IQGAP1: variants seen among roughly 807,000 people sequenced by gnomAD.
IQGAP1 encodes the protein ras GTPase-activating-like protein IQGAP1.
IQGAP1 carries 66 observed loss-of-function variants against 215.6 expected under a neutral mutation model. The observed-to-expected ratio is 0.31, with a 90% CI of 0.25 to 0.38. The LOEUF is 0.38. Ranked by LOEUF, IQGAP1 falls within the 10% of genes least tolerant of loss-of-function variation. The pLI is 1.00. For missense variants in IQGAP1, 1,712 were observed against 1,997.1 expected, an observed-to-expected ratio of 0.86 and a Z score of 2.72; for synonymous variants, 772 against 728.7, an observed-to-expected ratio of 1.06 and a Z score of -0.96.
At chr15:90,404,532 C>T (rs904729011) in intron 2 of IQGAP1, among the ~76,000 whole-genome samples, 1 of 151,918 alleles carries the variant, frequency 6.6e-6, no homozygotes, top group African/African-American at 2.4e-5. Flanking sequence ...GTGGTAAGAG[C>T]TCTTTATATA....
At chr15:90,498,896 G>A (rs1449372489) in intron 37 of IQGAP1, among the ~76,000 whole-genome samples, 1 of 149,682 alleles carries the variant, frequency 6.7e-6, no homozygotes, top group Non-Finnish European at 1.5e-5. Flanking sequence ...TGCAACCTCC[G>A]CCTCCTGGGT....
chr15:90,466,182 A>G (rs1486908161), intron 16 of IQGAP1, 87 bp from the exon 17 acceptor site: 5 of 1,574,856 alleles, frequency 3.2e-6, no homozygotes, highest in East Asian at 2.2e-5. Context: ...TGGGGGAACA[A>G]TTTGCCAGTA....
intron 4 of IQGAP1, among the ~76,000 whole-genome samples, chr15:90,432,808 G>T (rs1017128287): frequency 2.0e-5 from 3 of 151,984 alleles, no homozygotes; most frequent in African/African-American, 4.8e-5. Context: ...TCATTATTCA[G>T]TCTTTTGCTT....
intron 15 of IQGAP1, among the ~76,000 whole-genome samples, chr15:90,464,974 G>A (rs770724176): frequency 1.3e-5 from 2 of 152,108 alleles, no homozygotes; most frequent in Non-Finnish European, 2.9e-5. Context: ...TTGTCTTAAC[G>A]AATTTAGGAA....
At chr15:90,455,844 A>G (rs1197470295) in intron 14 of IQGAP1, among the ~76,000 whole-genome samples, 2 of 152,250 alleles carry the variant, frequency 1.3e-5, no homozygotes, top group African/African-American at 4.8e-5. Context: ...TTGATTACAC[A>G]TTCCAGTGTA....
At position 90,445,138 on chromosome 15, in the gene IQGAP1, A is replaced by ATT. The variant is rs199590722; in HGVS notation, c.913+1660_913+1661insTT. On this transcript the variant is annotated intron_variant, in intron 9 of 37. Transcript: ENST00000268182. ...CCCTGCCTCAAAAAATTAATTAATT[A>ATT]ATTTTTTTTTTTTAAAAAAGAATCT... Among the ~76,000 whole-genome samples the ATT allele has an allele frequency of 2.8e-3, 416 of 150,608 alleles. 1 individual carries two copies. The highest frequency in any genetic ancestry group is 4.3e-3 in the Non-Finnish European group (291 of 67,538).
intron 3 of IQGAP1, among the ~76,000 whole-genome samples, chr15:90,427,050 T>TAAGACCAG (rs1291882846): frequency 6.6e-6 from 1 of 151,820 alleles, no homozygotes; most frequent in Non-Finnish European, 1.5e-5. Context: ...TAGGATCACT[T>TAAGACCAG]AAGACCAGGA....
In IQGAP1 at chr15:90,492,770, G is replaced by A. The variant is rs936629223; in HGVS notation, c.4628+59G>A. 20 of 1,436,082 alleles carry A rather than the reference G, an allele frequency of 1.4e-5. No individual in the cohort carries two copies. The South Asian group carries it at 1.7e-4, about 12-fold the overall frequency. The allele number at this position is 1,436,082 out of a possible 1,614,324, so 89.0% of individuals were successfully genotyped here. A position where few individuals can be genotyped will look rare whatever the true frequency, so the allele number is the denominator to read the frequency against. On this transcript the variant is annotated intron_variant, in intron 35 of 37. Coordinates refer to ENST00000268182, the MANE Select transcript of IQGAP1 (RefSeq NM_003870.4). ...AGAATTAGAGTGAGGAAAAAGCAGA[G>A]GCAACTGAAATGACACTGGAAATTT... is the stretch of plus-strand genomic sequence containing the variant.
At chr15:90,405,711 C>A (rs1269162644) in intron 2 of IQGAP1, among the ~76,000 whole-genome samples, 1 of 151,124 alleles carries the variant, frequency 6.6e-6, no homozygotes, top group Non-Finnish European at 1.5e-5. Flanking sequence ...ATGCAATATT[C>A]CTCAAACCTA....
chr15:90,424,529 G>A (rs140579360), intron 2 of IQGAP1, among the ~76,000 whole-genome samples: 1 of 152,284 alleles, frequency 6.6e-6, no homozygotes, highest in East Asian at 1.9e-4. Context: ...TAATTTAAAG[G>A]TAGAGTAGAT....
chr15:90,395,074 G>C (rs1218720498), intron 2 of IQGAP1, among the ~76,000 whole-genome samples: 1 of 152,186 alleles, frequency 6.6e-6, no homozygotes, highest in East Asian at 1.9e-4. Context: ...GGGAGTGGTT[G>C]AGAAATAGAA....
chr15:90,481,269 CTTTTTTTTT>C (rs57452745), intron 26 of IQGAP1, among the ~76,000 whole-genome samples: 32 of 113,182 alleles, frequency 2.8e-4, no homozygotes, highest in African/African-American at 5.7e-4. Flanking sequence ...CTCTCTGCCT[CTTTTTTTTT>C]TTTTTTTTTT....
intron 13 of IQGAP1, 27 bp from the exon 14 acceptor site, chr15:90,454,401 C>T (rs550874098): frequency 1.9e-6 from 3 of 1,612,706 alleles, no homozygotes; most frequent in East Asian, 2.2e-5. Context: ...GTGCTTAATG[C>T]TCTTTTTACT....
Position 90,486,021 on chromosome 15 carries a change from T to G in IQGAP1, c.3922-9T>G. 1 of 1,606,046 alleles carries G rather than the reference T, an allele frequency of 6.2e-7. No homozygotes were observed. Among genetic ancestry groups the G allele is most frequent in the Non-Finnish European group, 8.5e-7 (1 of 1,173,210 alleles). On this transcript the variant is annotated splice_polypyrimidine_tract_variant and intron_variant, in intron 30 of 37. Coordinates refer to ENST00000268182, the MANE Select transcript of IQGAP1 (RefSeq NM_003870.4). ...ATGTATAAATGGAGTTGATCATTGG[T>G]GTTTGCAGCTCCTGTTGGATCACCA...
chr15:90,400,243 T>C (rs923408071), intron 2 of IQGAP1, among the ~76,000 whole-genome samples: 3 of 152,246 alleles, frequency 2.0e-5, no homozygotes, highest in African/African-American at 7.2e-5. Context: ...TTTATGGCTC[T>C]TCTTCATTTT....
At chr15:90,401,374 T>A (rs1200353919) in intron 2 of IQGAP1, among the ~76,000 whole-genome samples, 1 of 152,222 alleles carries the variant, frequency 6.6e-6, no homozygotes, top group Non-Finnish European at 1.5e-5. Context: ...GAATTAGTTA[T>A]TTCAATAAGG....
chr15:90,406,767 G>A (rs563390273), intron 2 of IQGAP1, among the ~76,000 whole-genome samples: 17 of 152,296 alleles, frequency 1.1e-4, no homozygotes, highest in African/African-American at 2.6e-4. Flanking sequence ...TCAATGTACC[G>A]TGAATCTAAT....
chr15:90,394,946 T>TGAGTATAAGTAAGA (rs1435767976), intron 2 of IQGAP1, among the ~76,000 whole-genome samples: 2 of 151,878 alleles, frequency 1.3e-5, no homozygotes, highest in Non-Finnish European at 2.9e-5. Context: ...GTAGAGGCAG[T>TGAGTATAAGTAAGA]GAGTATAAGT....
intron 9 of IQGAP1, among the ~76,000 whole-genome samples, chr15:90,445,295 G>T (rs1227684155): frequency 6.6e-6 from 1 of 151,574 alleles, no homozygotes; most frequent in Admixed American, 6.6e-5. Flanking sequence ...CTGCTATTTA[G>T]TAAGTACTCA....
Sources: gnomAD v4.1 joint callset for allele counts (sites outside exome capture counted in the v4.1 genomes callset) on GRCh38, gnomAD v4.1.1 for gene constraint, MANE v1.5 for transcripts, NCBI Gene and HGNC (gene_info 2026-07-23, HGNC 2026-07-21) for gene names.